BMPR1B: variants seen among roughly 807,000 people sequenced by gnomAD.
BMPR1B encodes bone morphogenetic protein receptor type 1B.
BMPR1B carries 12 observed loss-of-function variants against 59.1 expected under a neutral mutation model. The ratio of observed to expected loss-of-function variants is 0.20; its 90% CI spans 0.13 to 0.33. BMPR1B has a LOEUF of 0.33. Ranked by LOEUF, BMPR1B falls within the 10% of genes least tolerant of loss-of-function variation. The pLI, the probability that BMPR1B is intolerant of heterozygous loss-of-function variation, is 1.00. For synonymous variants in BMPR1B, 237 were observed against 207.3 expected (o/e 1.14, Z -1.23); for missense variants, 550 against 610.9 (o/e 0.90, Z 1.05).
intron 8 of BMPR1B, among the ~76,000 whole-genome samples, chr4:95,128,372 T>A (rs1321565825): frequency 6.6e-6 from 1 of 152,228 alleles, no homozygotes; most frequent in Non-Finnish European, 1.5e-5. Context: ...TCCAGTTTGC[T>A]GATCAGGTGT....
At chr4:95,007,337 A>T (rs1397129700) in intron 3 of BMPR1B, among the ~76,000 whole-genome samples, 6 of 152,174 alleles carry the variant, frequency 3.9e-5, no homozygotes, top group African/African-American at 1.4e-4. Flanking sequence ...AGTTATTTGT[A>T]TATAGTTATT....
intron 1 of BMPR1B, among the ~76,000 whole-genome samples, chr4:94,765,014 A>C (rs908421604): frequency 2.0e-5 from 3 of 152,154 alleles, no homozygotes; most frequent in Non-Finnish European, 4.4e-5. Context: ...GGGGACTATC[A>C]TTTACTGAAG....
chr4:94,937,842 G>A (rs1729377688), intron 2 of BMPR1B, among the ~76,000 whole-genome samples: 1 of 152,118 alleles, frequency 6.6e-6, no homozygotes, highest in Non-Finnish European at 1.5e-5. Flanking sequence ...TTGGGATAGT[G>A]AGGGAGTGAG....
intron 1 of BMPR1B, among the ~76,000 whole-genome samples, chr4:94,814,878 A>G (rs896688880): frequency 8.5e-5 from 13 of 152,146 alleles, no homozygotes; most frequent in African/African-American, 3.1e-4. Context: ...ACCTCAAATT[A>G]ATGAGGCATT....
chr4:95,015,416 G>T (rs7680852), intron 3 of BMPR1B, among the ~76,000 whole-genome samples: 50,810 of 151,840 alleles, frequency 0.33, 8,555 homozygotes, highest in Middle Eastern at 0.47. Context: ...TTCTTTTTTT[G>T]ATTGTTGTTG....
chr4:95,037,812 A>G (rs893973749), intron 3 of BMPR1B, among the ~76,000 whole-genome samples: 2 of 152,106 alleles, frequency 1.3e-5, no homozygotes, highest in Non-Finnish European at 2.9e-5. Context: ...TACAAAGGAG[A>G]GAGTTTGAAA....
At chr4:95,029,318 G>C (rs1199075694) in intron 3 of BMPR1B, among the ~76,000 whole-genome samples, 1 of 138,210 alleles carries the variant, frequency 7.2e-6, no homozygotes, top group Non-Finnish European at 1.5e-5. Context: ...TCATTGTTCA[G>C]TTCCCACCTA....
chr4:94,827,462 A>G (rs1199739768), intron 1 of BMPR1B, among the ~76,000 whole-genome samples: 1 of 152,182 alleles, frequency 6.6e-6, no homozygotes, highest in Non-Finnish European at 1.5e-5. Context: ...TGCTGTTTGC[A>G]CATTACTGCC....
rs1347685636 is a variant in BMPR1B at position 94,962,063 on chromosome 4, TTTCTTTTCTTTCCTTCCTTCC to T, written c.-112-33973_-112-33953del. Among the ~76,000 whole-genome samples, 326 of 146,708 alleles carry T rather than the reference TTTCTTTTCTTTCCTTCCTTCC, an allele frequency of 2.2e-3. 2 individuals are homozygous for T. Among genetic ancestry groups the T allele is most frequent in the African/African-American group, 6.6e-3 (249 of 37,700 alleles). On this transcript the variant is annotated intron_variant, in intron 2 of 12. Coordinates refer to ENST00000515059, the MANE Select transcript of BMPR1B (RefSeq NM_001203.3). ...TTTTATTCTTTCTTTCTTTCTTTTC[TTTCTTTTCTTTCCTTCCTTCC>T]TTCCTTCCTTCCTTCCTTCCTTCCT...
intron 1 of BMPR1B, among the ~76,000 whole-genome samples, chr4:94,837,688 A>G (rs569960911): frequency 2.2e-5 from 3 of 134,872 alleles, no homozygotes; most frequent in South Asian, 2.5e-4. Context: ...TAGATATACA[A>G]TCATGTCATC....
At chr4:94,805,129 T>C (rs545986254) in intron 1 of BMPR1B, among the ~76,000 whole-genome samples, 2 of 152,284 alleles carry the variant, frequency 1.3e-5, no homozygotes, top group South Asian at 4.2e-4. Context: ...AAGCACAGAA[T>C]TTTGGAGCTT....
At chr4:94,817,962 T>A (rs1184598767) in intron 1 of BMPR1B, among the ~76,000 whole-genome samples, 2 of 152,158 alleles carry the variant, frequency 1.3e-5, no homozygotes, top group African/African-American at 4.8e-5. Context: ...CACAGTAGGA[T>A]CACCTGGGGA....
chr4:94,821,558 A>T (rs1039577231), intron 1 of BMPR1B, among the ~76,000 whole-genome samples: 2 of 152,148 alleles, frequency 1.3e-5, no homozygotes, highest in Non-Finnish European at 2.9e-5. Flanking sequence ...GCCTCTAAGG[A>T]TCTTAAACCA....
At chr4:94,930,547 A>G (rs1578814822) in intron 2 of BMPR1B, among the ~76,000 whole-genome samples, 1 of 152,248 alleles carries the variant, frequency 6.6e-6, no homozygotes, top group East Asian at 1.9e-4. Flanking sequence ...ACTAATAAGG[A>G]TTTAGTATAG....
chr4:95,093,367 G>A (rs1730133918), intron 3 of BMPR1B, among the ~76,000 whole-genome samples: 1 of 152,044 alleles, frequency 6.6e-6, no homozygotes, highest in African/African-American at 2.4e-5. Context: ...TTTAAAGAGT[G>A]TAATTATGAT....
At chr4:94,907,832 C>G (rs1278228863) in intron 2 of BMPR1B, among the ~76,000 whole-genome samples, 1 of 151,432 alleles carries the variant, frequency 6.6e-6, no homozygotes, top group Non-Finnish European at 1.5e-5. Context: ...ACTCCTTTTT[C>G]TATCTAGTAG....
At chr4:94,758,350 C>G (rs1201791280) in intron 1 of BMPR1B, among the ~76,000 whole-genome samples, 2 of 151,084 alleles carry the variant, frequency 1.3e-5, no homozygotes, top group Non-Finnish European at 3.0e-5. Flanking sequence ...TGCCGGGACC[C>G]CGAGGCCTCG....
rs1216903567 is a variant in BMPR1B at position 95,129,882 on chromosome 4, G to A, written c.606G>A (p.Lys202=). Residue 202 remains lysine, a synonymous_variant, in exon 9 of 13, where the codon AAG becomes AAA. Coordinates refer to ENST00000515059, the MANE Select transcript of BMPR1B (RefSeq NM_001203.3). The part of the protein sequence containing the change: ...LPLLVQRTIA[K]QIQMVKQIGK... Reference sequence around the variant, plus strand: ...CACAGGTCCAAAGGACTATAGCTAAGCAGATTCAGATGGTGAAACAGATTG... The same window carrying A: ...CACAGGTCCAAAGGACTATAGCTAAACAGATTCAGATGGTGAAACAGATTG... 6.2e-7 allele frequency: 1 copy of A among 1,613,630 alleles called. No homozygotes were observed. The highest frequency in any genetic ancestry group is 8.5e-7 in the Non-Finnish European group (1 of 1,179,770).
chr4:95,068,310 T>C (rs1309987965), intron 3 of BMPR1B, among the ~76,000 whole-genome samples: 1 of 152,190 alleles, frequency 6.6e-6, no homozygotes, highest in Non-Finnish European at 1.5e-5. Flanking sequence ...AGCTTTTCCT[T>C]GTCTCTCACA....
Sources: allele counts gnomAD v4.1 joint callset (sites outside exome capture counted in the v4.1 genomes callset), GRCh38; gene constraint gnomAD v4.1.1; transcripts MANE v1.5; gene names NCBI Gene and HGNC (gene_info 2026-07-23, HGNC 2026-07-21).